The following ATG10 variants were observed in gnomAD, a reference collection of about 807,000 sequenced individuals.
The protein encoded by ATG10 is autophagy related 10.
A neutral mutation model predicts 32.1 loss-of-function variants in ATG10; 30 were observed. That is an observed-to-expected ratio of 0.94 (90% CI 0.70 to 1.27). ATG10 has a LOEUF of 1.27. ATG10 is among the 50% of genes most tolerant of loss of function. The pLI, the probability that ATG10 is intolerant of heterozygous loss-of-function variation, is 0.00. For synonymous variants in ATG10, 87 were observed against 91.5 expected (o/e 0.95, Z 0.28); for missense variants, 233 against 262.3 (o/e 0.89, Z 0.77).
intron 4 of ATG10, among the ~76,000 whole-genome samples, chr5:82,164,905 A>C (rs1055626880): frequency 1.3e-5 from 2 of 152,234 alleles, no homozygotes; most frequent in Non-Finnish European, 2.9e-5. Context: ...GATCCAATTA[A>C]CTCAGAAGCT....
chr5:81,985,430 G>A (rs1043011104), intron 1 of ATG10, among the ~76,000 whole-genome samples: 2 of 152,220 alleles, frequency 1.3e-5, no homozygotes, highest in East Asian at 1.9e-4. Flanking sequence ...TTGCCAGCCC[G>A]GATTTCTCTT....
intron 5 of ATG10, among the ~76,000 whole-genome samples, chr5:82,214,397 A>T (rs538053541): frequency 1.3e-5 from 2 of 152,324 alleles, no homozygotes; most frequent in East Asian, 3.9e-4. Flanking sequence ...TGTAAGCTTG[A>T]TAGGAATAAT....
At chr5:82,183,265 A>G (rs1282226690) in intron 5 of ATG10, among the ~76,000 whole-genome samples, 1 of 152,146 alleles carries the variant, frequency 6.6e-6, no homozygotes, top group African/African-American at 2.4e-5. Context: ...AGGTTTACAC[A>G]TTAAAATAGT....
intron 3 of ATG10, among the ~76,000 whole-genome samples, chr5:82,138,507 G>A (rs887300124): frequency 1.3e-5 from 2 of 152,010 alleles, no homozygotes; most frequent in East Asian, 1.9e-4. Flanking sequence ...TGTGCTTCCC[G>A]GGTCAGGTGA....
At chr5:82,224,353 T>C (rs1325686496) in intron 5 of ATG10, among the ~76,000 whole-genome samples, 5 of 152,210 alleles carry the variant, frequency 3.3e-5, no homozygotes, top group Admixed American at 3.3e-4. Context: ...TTAAACCACA[T>C]GCAACATGGG....
At chr5:82,019,837 G>T (rs1581604874) in intron 2 of ATG10, among the ~76,000 whole-genome samples, 1 of 152,228 alleles carries the variant, frequency 6.6e-6, no homozygotes, top group Non-Finnish European at 1.5e-5. Context: ...CTATGGAGGG[G>T]TTAGTGTTCA....
intron 2 of ATG10, among the ~76,000 whole-genome samples, chr5:82,056,434 T>TG (rs1165181486): frequency 4.0e-5 from 6 of 151,082 alleles, no homozygotes; most frequent in Non-Finnish European, 1.5e-5. Context: ...GCCAGGTTTT[T>TG]TTTTTTTTTT....
At chr5:81,976,586 A>G (rs1196136639) in intron 1 of ATG10, among the ~76,000 whole-genome samples, 1 of 152,192 alleles carries the variant, frequency 6.6e-6, no homozygotes, top group Non-Finnish European at 1.5e-5. Flanking sequence ...TACTGGAATG[A>G]TCCAAGTAAG....
At chr5:82,230,828 A>T (rs549258874) in intron 5 of ATG10, among the ~76,000 whole-genome samples, 1 of 151,858 alleles carries the variant, frequency 6.6e-6, no homozygotes, top group South Asian at 2.1e-4. Context: ...TATTAGCTAG[A>T]TGGAAAATTA....
intron 2 of ATG10, among the ~76,000 whole-genome samples, chr5:82,035,176 C>T (rs771012841): frequency 1.3e-5 from 2 of 152,074 alleles, no homozygotes; most frequent in Non-Finnish European, 2.9e-5. Context: ...CCTCCCAAAG[C>T]GCTGGGATTA....
chr5:82,173,716 C>T (rs924939135), intron 4 of ATG10, among the ~76,000 whole-genome samples: 5 of 152,080 alleles, frequency 3.3e-5, no homozygotes, highest in African/African-American at 9.7e-5. Flanking sequence ...AAAATTGGTG[C>T]GATTGAGTAT....
chr5:82,055,970 C>A (rs1043639643), intron 2 of ATG10, among the ~76,000 whole-genome samples: 4 of 152,116 alleles, frequency 2.6e-5, no homozygotes, highest in Non-Finnish European at 5.9e-5. Flanking sequence ...TGTCTATAGC[C>A]TACGTATGTA....
At chr5:82,174,558 A>AT (rs201113767) in intron 4 of ATG10, among the ~76,000 whole-genome samples, 6 of 152,172 alleles carry the variant, frequency 3.9e-5, no homozygotes, top group African/African-American at 1.2e-4. Context: ...AATAAGTATA[A>AT]TTTTTTTTCC....
At chr5:82,031,359 A>G (rs1339360040) in intron 2 of ATG10, among the ~76,000 whole-genome samples, 1 of 152,222 alleles carries the variant, frequency 6.6e-6, no homozygotes, top group African/African-American at 2.4e-5. Flanking sequence ...ATGTGTTGCT[A>G]GTGTATCCAG....
intron 5 of ATG10, among the ~76,000 whole-genome samples, chr5:82,184,454 C>T (rs1259259906): frequency 6.6e-6 from 1 of 152,050 alleles, no homozygotes; most frequent in African/African-American, 2.4e-5. Flanking sequence ...CCTTCCCACC[C>T]TGGAATTTAT....
At chr5:82,225,966 A>G (rs1746115311) in intron 5 of ATG10, among the ~76,000 whole-genome samples, 1 of 152,222 alleles carries the variant, frequency 6.6e-6, no homozygotes, top group Non-Finnish European at 1.5e-5. Context: ...AGAGTGAGTT[A>G]TACGTATTTA....
intron 5 of ATG10, among the ~76,000 whole-genome samples, chr5:82,199,200 A>T (rs946659391): frequency 6.6e-6 from 1 of 152,230 alleles, no homozygotes; most frequent in Non-Finnish European, 1.5e-5. Context: ...AATTGAGTAA[A>T]CATTTTCCTG....
chr5:82,056,919 G>A (rs1388238526), intron 2 of ATG10, among the ~76,000 whole-genome samples: 2 of 152,044 alleles, frequency 1.3e-5, no homozygotes, highest in Admixed American at 6.5e-5. Flanking sequence ...TTCTAAATAC[G>A]AAGGTTTCAA....
Position 82,108,784 on chromosome 5 carries a change from A to G in ATG10, c.216+50182A>G, listed in dbSNP as rs561234683. Among the ~76,000 whole-genome samples the G allele has an allele frequency of 1.1e-3, 174 of 152,148 alleles. 2 individuals are homozygous for G. The highest frequency in any genetic ancestry group is 2.2e-3 in the Admixed American group (34 of 15,238). On this transcript the variant is annotated intron_variant, in intron 3 of 7. Transcript: ENST00000282185. ...GAAAAAGGAGTTGAAGATAGCTCTCAAATTTTCAGTCTATGTGACTATGTG... is the reference window on the plus strand; with the variant it reads ...GAAAAAGGAGTTGAAGATAGCTCTCGAATTTTCAGTCTATGTGACTATGTG...
Sources: allele counts gnomAD v4.1 joint callset (sites outside exome capture counted in the v4.1 genomes callset), GRCh38; gene constraint gnomAD v4.1.1; transcripts MANE v1.5; gene names NCBI Gene and HGNC (gene_info 2026-07-23, HGNC 2026-07-21).